CAMTA1: variants seen among roughly 807,000 people sequenced by gnomAD.
The protein encoded by CAMTA1 is calmodulin-binding transcription activator 1.
In CAMTA1, 27 loss-of-function variants were observed where a neutral mutation model predicts 170.9. That is an observed-to-expected ratio of 0.16 (90% CI 0.12 to 0.22). The LOEUF is 0.22. CAMTA1 is among the 10% of genes least tolerant of loss of function. The pLI, the probability that CAMTA1 is intolerant of heterozygous loss-of-function variation, is 1.00. For synonymous variants in CAMTA1, 833 were observed against 891.5 expected (o/e 0.93, Z 1.17); for missense variants, 1,619 against 2,217.2 (o/e 0.73, Z 5.42).
In CAMTA1 at chr1:7,000,940, G is replaced by A. The variant is rs74051077; in HGVS notation, c.235-90364G>A. On this transcript the variant is annotated intron_variant, in intron 3 of 22. Transcript: ENST00000303635. ...ATTGCTCTCAGATTATCTTATATTT[G>A]ACTCACTAATTACTCATTTAAGAAA... 3.9e-3 allele frequency among the ~76,000 whole-genome samples: 594 copies of A among 152,252 alleles called. 5 individuals carry two copies. The highest frequency in any genetic ancestry group is 0.014 in the African/African-American group (581 of 41,544).
At chr1:6,881,713 AC>A (rs1671664513) in intron 3 of CAMTA1, among the ~76,000 whole-genome samples, 1 of 152,132 alleles carries the variant, frequency 6.6e-6, no homozygotes, top group Non-Finnish European at 1.5e-5. Context: ...CACGTCTGTA[AC>A]CCCAGCACTT....
chr1:7,621,489 G>A (rs7555169), intron 6 of CAMTA1, among the ~76,000 whole-genome samples: 37,063 of 152,176 alleles, frequency 0.24, 6,940 homozygotes, highest in African/African-American at 0.53. Flanking sequence ...CCTCGGTGCT[G>A]ACCTCTGATA....
chr1:7,116,287 G>A (rs982018771), intron 4 of CAMTA1, among the ~76,000 whole-genome samples: 7 of 152,106 alleles, frequency 4.6e-5, no homozygotes, highest in Non-Finnish European at 1.0e-4. Context: ...GTACTTGTAG[G>A]TACATAAGTT....
chr1:7,594,200 G>GAA (rs2095378699), intron 6 of CAMTA1, among the ~76,000 whole-genome samples: 15 of 113,670 alleles, frequency 1.3e-4, no homozygotes, highest in African/African-American at 5.4e-4. Flanking sequence ...AAGGAGGGAG[G>GAA]GGAAGGAAGG....
chr1:7,645,397 C>T (rs1458538644), intron 7 of CAMTA1, among the ~76,000 whole-genome samples: 2 of 152,246 alleles, frequency 1.3e-5, no homozygotes, highest in East Asian at 3.8e-4. Flanking sequence ...TTCCTGGCAG[C>T]CCAGGAGGGG....
Position 7,565,098 on chromosome 1 carries a change from G to A in CAMTA1, c.511-75302G>A, listed in dbSNP as rs2095022766. ...AAAGCAGAGGGGCTGTGGGTGCCAG[G>A]GGGCTCCCTGGGGAGACTCCTGCCA... On this transcript the variant is annotated intron_variant, in intron 6 of 22. Coordinates refer to ENST00000303635, the MANE Select transcript of CAMTA1 (RefSeq NM_015215.4). The surrounding 1 kb of genome is among the most constrained non-coding windows in gnomAD (Gnocchi z 4.5). Among the ~76,000 whole-genome samples the A allele has an allele frequency of 6.6e-6, 1 of 151,888 alleles. No individual in the cohort carries two copies. Among genetic ancestry groups the A allele is most frequent in the Non-Finnish European group, 1.5e-5 (1 of 67,930 alleles).
chr1:6,893,956 T>TCTTTC (rs1675111354), intron 3 of CAMTA1, among the ~76,000 whole-genome samples: 1 of 152,230 alleles, frequency 6.6e-6, no homozygotes, highest in Admixed American at 6.5e-5. Flanking sequence ...GATGGGCACT[T>TCTTTC]CTTTCCTTTC....
intron 6 of CAMTA1, among the ~76,000 whole-genome samples, chr1:7,503,800 C>T (rs1044348622): frequency 3.9e-4 from 59 of 152,310 alleles, no homozygotes; most frequent in Admixed American, 3.3e-3. Flanking sequence ...GATGCCCACT[C>T]GGATGCTGTG....
chr1:7,633,485 G>A lies in CAMTA1; in HGVS notation c.511-6915G>A, dbSNP rs969766845. ...CCAGCCCATGCCTGGGATGGACACCGACTCCTTCCCCGCACCCTAGTCTCT... is the reference window on the plus strand; with the variant it reads ...CCAGCCCATGCCTGGGATGGACACCAACTCCTTCCCCGCACCCTAGTCTCT... On this transcript the variant is annotated intron_variant, in intron 6 of 22. Coordinates refer to ENST00000303635, the MANE Select transcript of CAMTA1 (RefSeq NM_015215.4). The surrounding 1 kb of genome is among the most constrained non-coding windows in gnomAD (Gnocchi z 4.1). Among the ~76,000 whole-genome samples the A allele has an allele frequency of 1.3e-5, 2 of 152,128 alleles. No homozygotes were observed. Among genetic ancestry groups the A allele is most frequent in the African/African-American group, 2.4e-5 (1 of 41,428 alleles).
At chr1:7,375,383 G>T (rs898626063) in intron 5 of CAMTA1, among the ~76,000 whole-genome samples, 3 of 152,206 alleles carry the variant, frequency 2.0e-5, no homozygotes, top group African/African-American at 7.2e-5. Flanking sequence ...AGAGACTCCA[G>T]TGGGGCCCTT....
intron 6 of CAMTA1, among the ~76,000 whole-genome samples, chr1:7,484,505 C>T (rs565350957): frequency 1.3e-5 from 2 of 152,270 alleles, no homozygotes; most frequent in East Asian, 1.9e-4. Flanking sequence ...AGATAACAAT[C>T]GTGGCCGGGC....
intron 5 of CAMTA1, among the ~76,000 whole-genome samples, chr1:7,390,234 T>G (rs992005317): frequency 6.6e-6 from 1 of 152,066 alleles, no homozygotes; most frequent in African/African-American, 2.4e-5. Context: ...AAAGCGAGCT[T>G]AGGGTTCACA....
intron 3 of CAMTA1, among the ~76,000 whole-genome samples, chr1:7,000,617 C>G (rs1348271152): frequency 2.0e-5 from 3 of 152,150 alleles, no homozygotes; most frequent in Non-Finnish European, 4.4e-5. Context: ...CCGTGGAAGT[C>G]CAAGGTTCTG....
chr1:6,803,378 C>T (rs2148236371), intron 1 of CAMTA1, among the ~76,000 whole-genome samples: 1 of 152,294 alleles, frequency 6.6e-6, no homozygotes, highest in Middle Eastern at 3.4e-3. Flanking sequence ...GTGCACAGTC[C>T]TTCACCTTTT....
chr1:7,416,327 T>G (rs1427581581), intron 5 of CAMTA1, among the ~76,000 whole-genome samples: 1 of 152,244 alleles, frequency 6.6e-6, no homozygotes, highest in Non-Finnish European at 1.5e-5. Flanking sequence ...TTTGGGGAAG[T>G]TCTCCTGGAT....
intron 3 of CAMTA1, among the ~76,000 whole-genome samples, chr1:6,829,830 T>A (rs1649010271): frequency 6.6e-6 from 1 of 152,238 alleles, no homozygotes; most frequent in South Asian, 2.1e-4. Flanking sequence ...TGTAGCTATT[T>A]AGTTCTAATC....
chr1:7,524,627 T>A (rs1453637982), intron 6 of CAMTA1, among the ~76,000 whole-genome samples: 1 of 152,176 alleles, frequency 6.6e-6, no homozygotes, highest in African/African-American at 2.4e-5. Flanking sequence ...ATGCTTTTTA[T>A]CAAGCTGAGA....
rs536619373 is a variant in CAMTA1, at chr1:7,302,335, A to G, written c.438+52709A>G. On this transcript the variant is annotated intron_variant, in intron 5 of 22. Coordinates refer to ENST00000303635, the MANE Select transcript of CAMTA1 (RefSeq NM_015215.4). ...CAGCTCACCTCTCACCGACAATAAC[A>G]GGGAGAACCTTTGTGAGTCTAGGAA... Among the ~76,000 whole-genome samples the G allele has an allele frequency of 2.0e-5, 3 of 152,144 alleles. No individual in the cohort carries two copies. The East Asian group carries it at 5.8e-4, about 30-fold the overall frequency.
chr1:7,591,033 C>G (rs1256114610), intron 6 of CAMTA1, among the ~76,000 whole-genome samples: 1 of 152,206 alleles, frequency 6.6e-6, no homozygotes, highest in Non-Finnish European at 1.5e-5. Flanking sequence ...GGACCAGAAA[C>G]TGACACTGGG....
Sources: allele counts gnomAD v4.1 joint callset (sites outside exome capture counted in the v4.1 genomes callset), GRCh38; gene constraint gnomAD v4.1.1; non-coding constraint Gnocchi (gnomAD v3.1); transcripts MANE v1.5; gene names NCBI Gene and HGNC (gene_info 2026-07-23, HGNC 2026-07-21).